Variants in SLC35B1 observed in about 807,000 individuals in gnomAD.
SLC35B1 encodes ATP/ADP exchanger ER.
Under a neutral mutation model 36.6 loss-of-function variants are expected in SLC35B1, and 27 were observed. The observed-to-expected ratio is 0.74, with a 90% CI of 0.54 to 1.02. The LOEUF is 1.02. Ranked by LOEUF, SLC35B1 falls within the 50% of genes least tolerant of loss-of-function variation. SLC35B1 has a pLI of 0.00. For missense variants in SLC35B1, 321 were observed against 383.2 expected, an observed-to-expected ratio of 0.84 and a Z score of 1.35; for synonymous variants, 162 against 152.5, an observed-to-expected ratio of 1.06 and a Z score of -0.46.
At chr17:49,702,076 G>A (rs956607876) in intron 8 of SLC35B1, 1 of 176,940 alleles carries the variant, frequency 5.7e-6, no homozygotes, top group Non-Finnish European at 1.3e-5. Flanking sequence ...CTGAGCAACA[G>A]AGGGAGACCC....
chr17:49,702,733 C>T (rs971782492), intron 8 of SLC35B1, 125 bp downstream of exon 8: 79 of 1,086,588 alleles, frequency 7.3e-5, no homozygotes, highest in Admixed American at 1.8e-4. Context: ...GCAACAAGAG[C>T]GAAACTCCGT....
intron 5 of SLC35B1, 107 bp downstream of exon 5, chr17:49,705,017 C>T: frequency 9.2e-7 from 1 of 1,086,916 alleles, no homozygotes; most frequent in Admixed American, 2.1e-5. Flanking sequence ...GGACAAGGAG[C>T]ACCACAACCT....
Position 49,707,859 on chromosome 17 carries a change from G to A in SLC35B1, c.-26C>T, listed in dbSNP as rs368273902. Reference sequence around the variant, plus strand: ...GAGACGCCCAGAGGAGCCGACTGGAGACCCGCTCACAACCGGCACCGGCAG... The same window carrying A: ...GAGACGCCCAGAGGAGCCGACTGGAAACCCGCTCACAACCGGCACCGGCAG... On this transcript the variant is annotated 5_prime_UTR_variant, in exon 1 of 9. Transcript: ENST00000240333. The A allele has an allele frequency of 2.0e-5, 33 of 1,610,588 alleles. No individual in the cohort carries two copies. The Admixed American group carries it at 3.3e-4, about 16-fold the overall frequency.
chr17:49,707,334 A>G, intron 1 of SLC35B1: 1 of 1,437,024 alleles, frequency 7.0e-7, no homozygotes, highest in South Asian at 1.2e-5. Context: ...AGATAGTGAA[A>G]TCAGGTACCC....
At chr17:49,708,046 CT>C (rs1338833303), upstream of SLC35B1, 10 of 1,098,396 alleles carry the variant, frequency 9.1e-6, no homozygotes, top group East Asian at 2.6e-4. Flanking sequence ...CCAGCAACCA[CT>C]TCCTAGGAAA....
rs771679253 is a variant in SLC35B1 at position 49,707,692 on chromosome 17, T to G, written c.104+38A>C. On this transcript the variant is annotated intron_variant, in intron 1 of 8. Transcript: ENST00000240333. ...AAGGCCCGGGATCCCTGTCACAGGC[T>G]GGGGAGAGACTGTCGGCCCGCCCCC... 3 of 1,598,806 alleles carry G rather than the reference T, an allele frequency of 1.9e-6. No individual in the cohort carries two copies. The African/African-American group carries it at 4.0e-5, about 21-fold the overall frequency.
intron 4 of SLC35B1, 114 bp downstream of exon 4, chr17:49,705,752 C>T (rs536196245): frequency 3.3e-4 from 340 of 1,015,696 alleles, no homozygotes; most frequent in Non-Finnish European, 4.6e-4. Context: ...GGGGAAAGTC[C>T]CTGGAGACAG....
At chr17:49,706,857 G>A in intron 2 of SLC35B1, 108 bp downstream of exon 2, 1 of 772,448 alleles carries the variant, frequency 1.3e-6, no homozygotes, top group Non-Finnish European at 2.3e-6. Flanking sequence ...ACAAAATGGG[G>A]TGGAGATCAT....
intron 4 of SLC35B1, 69 bp downstream of exon 4, chr17:49,705,797 T>A: frequency 6.8e-7 from 1 of 1,470,662 alleles, no homozygotes. Context: ...AGGGACACAG[T>A]TGTAGCAGAG....
chr17:49,703,441 G>A, intron 6 of SLC35B1, 147 bp from the exon 7 acceptor site: 1 of 639,414 alleles, frequency 1.6e-6, no homozygotes, highest in South Asian at 1.7e-5. Context: ...AGTGTATGGT[G>A]TGGGTTTGCA....
At chr17:49,707,351 G>C in intron 1 of SLC35B1, 1 of 1,431,112 alleles carries the variant, frequency 7.0e-7, no homozygotes, top group Non-Finnish European at 9.2e-7. Flanking sequence ...ACCCCAGGCA[G>C]GAGGAGACGG....
At chr17:49,705,963 C>T in intron 3 of SLC35B1, 67 bp from the exon 4 acceptor site, 2 of 1,509,228 alleles carry the variant, frequency 1.3e-6, no homozygotes, top group Non-Finnish European at 1.8e-6. Flanking sequence ...CTAGGTACCG[C>T]ACTGATTAAG....
At chr17:49,702,664 G>C (rs2073365653) in intron 8 of SLC35B1, 194 bp downstream of exon 8, 1 of 546,772 alleles carries the variant, frequency 1.8e-6, no homozygotes, top group Non-Finnish European at 3.2e-6. Context: ...CCCAGGAGGA[G>C]GAGGAGGCTC....
intron 3 of SLC35B1, 64 bp downstream of exon 3, chr17:49,706,140 G>A (rs561194910): frequency 1.4e-6 from 2 of 1,472,106 alleles, no homozygotes; most frequent in South Asian, 2.6e-5. Context: ...AGACCTGAGG[G>A]AAGAACTCTT....
rs1055969228 is a variant in SLC35B1 at position 49,705,869 on chromosome 17, G to A, written c.367C>T (p.Pro123Ser). The change falls in exon 4 of 9, where the codon CCA becomes TCA. Residue 123 changes from proline to serine, a missense_variant. By Grantham distance (74) the Pro-to-Ser change is moderately conservative. Coordinates refer to ENST00000240333, the MANE Select transcript of SLC35B1 (RefSeq NM_005827.4). ...GAAGACCATCTTCTTTGCTTACCTG[G>A]GATTGGCTTGCAGGATTTACCAAGG... ...QVLGKSCKPI[P>S]VMLLGVTLLK... The A allele has an allele frequency of 1.1e-5, 18 of 1,613,992 alleles. No homozygotes were observed. In the South Asian group the frequency reaches 2.0e-4, roughly 18 times the overall value.
intron 3 of SLC35B1, 64 bp downstream of exon 3, chr17:49,706,140 G>T: frequency 2.0e-6 from 3 of 1,472,090 alleles, no homozygotes; most frequent in Non-Finnish European, 2.7e-6. Flanking sequence ...AGACCTGAGG[G>T]AAGAACTCTT....
At chr17:49,707,326 A>G (rs1324540247) in intron 1 of SLC35B1, 9 of 1,442,122 alleles carry the variant, frequency 6.2e-6, no homozygotes, top group Middle Eastern at 1.8e-4. Context: ...GCAGAACGAG[A>G]TAGTGAAATC....
intron 3 of SLC35B1, 112 bp from the exon 4 acceptor site, chr17:49,706,008 G>C: frequency 1.5e-6 from 2 of 1,308,696 alleles, no homozygotes; most frequent in Non-Finnish European, 2.2e-6. Flanking sequence ...AGAGACCTCA[G>C]CCTCAGAAAG....
chr17:49,706,320 CA>C lies in SLC35B1; in HGVS notation c.222del (p.Phe74LeufsTer56). 3.6e-6 allele frequency: 3 copies of C among 839,328 alleles called. No homozygotes were observed. Among genetic ancestry groups the C allele is most frequent in the Non-Finnish European group, 1.5e-6 (1 of 652,686 alleles). The allele number at this position is 839,328 out of a possible 1,614,324, so 52.0% of individuals were successfully genotyped here. A position where few individuals can be genotyped will look rare whatever the true frequency, so the allele number is the denominator to read the frequency against. On this transcript the variant is annotated frameshift_variant, in exon 3 of 9. Coordinates refer to ENST00000240333, the MANE Select transcript of SLC35B1 (RefSeq NM_005827.4). LOFTEE classifies it high-confidence loss of function. ...CGGGTACGATCCACCCTGGCAGTGT[CA>C]AAAAACTGGATCACTGGGAGAAGAC... ...AVFAKILIQFFDTARVDRTRS... is the reference protein window; with the variant it reads ...AVFAKILIQFXDTARVDRTRS...
Sources: allele counts gnomAD v4.1 joint callset, GRCh38; gene constraint gnomAD v4.1.1; transcripts MANE v1.5; gene names NCBI Gene and HGNC (gene_info 2026-07-23, HGNC 2026-07-21).